Variants in ITGBL1 observed in about 807,000 individuals in gnomAD.
The protein encoded by ITGBL1 is integrin beta-like protein 1.
Under a neutral mutation model 68.5 loss-of-function variants are expected in ITGBL1, and 51 were observed. The ratio of observed to expected loss-of-function variants is 0.74; its 90% CI spans 0.59 to 0.94. The LOEUF is 0.94. ITGBL1 is among the 40% of genes least tolerant of loss of function. The pLI, the probability that ITGBL1 is intolerant of heterozygous loss-of-function variation, is 0.00. For missense variants in ITGBL1, 649 were observed against 647.4 expected (o/e 1.00, Z -0.03); for synonymous variants, 209 against 227.3 (o/e 0.92, Z 0.72).
chr13:101,519,055 A>G (rs536444892), intron 2 of ITGBL1, among the ~76,000 whole-genome samples: 1 of 152,312 alleles, frequency 6.6e-6, no homozygotes, highest in Non-Finnish European at 1.5e-5. Flanking sequence ...CCTTTTTCTA[A>G]TAGATACTAA....
intron 2 of ITGBL1, among the ~76,000 whole-genome samples, chr13:101,536,909 T>G (rs2049587209): frequency 6.6e-6 from 1 of 152,068 alleles, no homozygotes; most frequent in African/African-American, 2.4e-5. Flanking sequence ...AGGTTTAATT[T>G]AAACTGATCA....
chr13:101,476,855 T>C (rs1362333745), intron 2 of ITGBL1, among the ~76,000 whole-genome samples: 1 of 152,060 alleles, frequency 6.6e-6, no homozygotes, highest in Non-Finnish European at 1.5e-5. Flanking sequence ...AAAGCAAATA[T>C]TATTAGAGCT....
chr13:101,461,543 A>T (rs1008632556), intron 2 of ITGBL1, among the ~76,000 whole-genome samples: 3 of 152,092 alleles, frequency 2.0e-5, no homozygotes, highest in Non-Finnish European at 2.9e-5. Flanking sequence ...AAAATTTTTT[A>T]AAAATTGCCA....
At chr13:101,551,814 A>G (rs1456244883) in intron 2 of ITGBL1, among the ~76,000 whole-genome samples, 1 of 152,172 alleles carries the variant, frequency 6.6e-6, no homozygotes, top group Admixed American at 6.5e-5. Flanking sequence ...TGCAAAAGGA[A>G]GACAAGATGT....
chr13:101,472,941 A>G (rs1327096680), intron 2 of ITGBL1, among the ~76,000 whole-genome samples: 1 of 152,196 alleles, frequency 6.6e-6, no homozygotes, highest in African/African-American at 2.4e-5. Flanking sequence ...ATATATTGAT[A>G]TATAAATTAA....
intron 7 of ITGBL1, among the ~76,000 whole-genome samples, chr13:101,680,655 A>G (rs72632687): frequency 0.052 from 7,934 of 152,100 alleles, 471 homozygotes; most frequent in East Asian, 0.31. Context: ...AATATCTAAT[A>G]TTTGTTGAAC....
At chr13:101,578,160 T>C (rs2050394914) in intron 4 of ITGBL1, among the ~76,000 whole-genome samples, 1 of 152,166 alleles carries the variant, frequency 6.6e-6, no homozygotes, top group Non-Finnish European at 1.5e-5. Flanking sequence ...CTGTTGTACT[T>C]CTTGCTTCTT....
At chr13:101,598,121 C>T (rs764220358) in intron 6 of ITGBL1, 32 bp from the exon 7 acceptor site, 2 of 1,566,728 alleles carry the variant, frequency 1.3e-6, no homozygotes, top group Admixed American at 1.9e-5. Context: ...TCTTTATGTA[C>T]ATTTTTATTT....
intron 2 of ITGBL1, among the ~76,000 whole-genome samples, chr13:101,465,025 CGT>C (rs2048365185): frequency 6.6e-6 from 1 of 152,102 alleles, no homozygotes; most frequent in Non-Finnish European, 1.5e-5. Flanking sequence ...AAAACAATGA[CGT>C]ATCATTTGGG....
chr13:101,566,497 A>T (rs775397927), intron 2 of ITGBL1, among the ~76,000 whole-genome samples: 1 of 152,190 alleles, frequency 6.6e-6, no homozygotes, highest in South Asian at 2.1e-4. Context: ...GTTATAAAAT[A>T]GAATAATTAA....
At chr13:101,567,490 T>C (rs1402318793) in intron 2 of ITGBL1, among the ~76,000 whole-genome samples, 2 of 152,182 alleles carry the variant, frequency 1.3e-5, no homozygotes, top group East Asian at 3.9e-4. Context: ...TTAATGTTTT[T>C]ATAATTTATC....
At chr13:101,472,671 A>G (rs1235560046) in intron 2 of ITGBL1, among the ~76,000 whole-genome samples, 1 of 152,156 alleles carries the variant, frequency 6.6e-6, no homozygotes, top group Non-Finnish European at 1.5e-5. Flanking sequence ...TTTTAAATTA[A>G]CTGACAATGC....
At chr13:101,627,549 G>A (rs922857620) in intron 7 of ITGBL1, among the ~76,000 whole-genome samples, 5 of 151,902 alleles carry the variant, frequency 3.3e-5, no homozygotes, top group Admixed American at 2.0e-4. Context: ...ATAATGACAC[G>A]TACCCACCAT....
intron 2 of ITGBL1, among the ~76,000 whole-genome samples, chr13:101,506,939 T>C (rs2049035595): frequency 6.6e-6 from 1 of 152,030 alleles, no homozygotes; most frequent in African/African-American, 2.4e-5. Context: ...GAGGTAAGCT[T>C]TTGTGTATGA....
chr13:101,547,258 T>C (rs149105673), intron 2 of ITGBL1, among the ~76,000 whole-genome samples: 32 of 152,068 alleles, frequency 2.1e-4, no homozygotes, highest in African/African-American at 5.5e-4. Flanking sequence ...TTATGAAAGC[T>C]AATGACTTTG....
intron 7 of ITGBL1, among the ~76,000 whole-genome samples, chr13:101,655,889 A>T (rs2032905505): frequency 6.6e-6 from 1 of 152,236 alleles, no homozygotes; most frequent in Non-Finnish European, 1.5e-5. Flanking sequence ...TTCTGAGCCA[A>T]ATATGAGTCG....
intron 7 of ITGBL1, among the ~76,000 whole-genome samples, chr13:101,644,895 A>T (rs2032509734): frequency 6.6e-6 from 1 of 152,202 alleles, no homozygotes; most frequent in Admixed American, 6.5e-5. Flanking sequence ...AGATTCTTGG[A>T]GAGAAAATAT....
chr13:101,547,304 TACTC>T (rs2049843024), intron 2 of ITGBL1, among the ~76,000 whole-genome samples: 1 of 151,960 alleles, frequency 6.6e-6, no homozygotes, highest in African/African-American at 2.4e-5. Context: ...TAAGCTCACT[TACTC>T]ATGTGATTAT....
intron 2 of ITGBL1, among the ~76,000 whole-genome samples, chr13:101,558,660 G>T (rs1373892991): frequency 6.6e-6 from 1 of 151,964 alleles, no homozygotes; most frequent in African/African-American, 2.4e-5. Flanking sequence ...AAGTTTTTGG[G>T]ATTTACGTGG....
Sources: allele counts gnomAD v4.1 joint callset (sites outside exome capture counted in the v4.1 genomes callset), GRCh38; gene constraint gnomAD v4.1.1; transcripts MANE v1.5; gene names NCBI Gene and HGNC (gene_info 2026-07-23, HGNC 2026-07-21).